Variants in SCAPER observed in about 807,000 individuals in gnomAD.
The protein encoded by SCAPER is S phase cyclin A-associated protein in the endoplasmic reticulum.
Under a neutral mutation model 182.2 loss-of-function variants are expected in SCAPER, and 98 were observed. The ratio of observed to expected loss-of-function variants is 0.54; its 90% confidence interval spans 0.46 to 0.64. SCAPER has a LOEUF of 0.64. Ranked by LOEUF, SCAPER falls within the 30% of genes least tolerant of loss-of-function variation. The probability of loss-of-function intolerance (pLI) is 0.00; values close to 1 mark genes in which losing one functional copy is unlikely to be tolerated. For synonymous variants in SCAPER, 605 were observed against 564.6 expected (o/e 1.07, Z -1.01); for missense variants, 1,432 against 1,690.0 (o/e 0.85, Z 2.68).
intron 26 of SCAPER, among the ~76,000 whole-genome samples, chr15:76,410,398 A>G (rs1172477891): frequency 6.6e-6 from 1 of 152,200 alleles, no homozygotes; most frequent in African/African-American, 2.4e-5. Flanking sequence ...ACTATGATTA[A>G]TTCTATAATA....
At chr15:76,370,310 T>TTTTTTTTTG (rs1567007744) in intron 29 of SCAPER, among the ~76,000 whole-genome samples, 2 of 137,358 alleles carry the variant, frequency 1.5e-5, no homozygotes, top group African/African-American at 2.7e-5. Flanking sequence ...TTTTTTTTTT[T>TTTTTTTTTG]TTTTTTGTTT....
chr15:76,701,019 T>C (rs374558264), intron 20 of SCAPER, among the ~76,000 whole-genome samples: 3 of 151,868 alleles, frequency 2.0e-5, no homozygotes, highest in African/African-American at 2.4e-5. Flanking sequence ...GGTGGTTTTA[T>C]ATCAGTTTAT....
chr15:76,527,374 T>A (rs16968336), intron 23 of SCAPER, among the ~76,000 whole-genome samples: 1 of 152,140 alleles, frequency 6.6e-6, no homozygotes, highest in African/African-American at 2.4e-5. Flanking sequence ...TCATAGTTGC[T>A]TTCCTTGGGC....
At chr15:76,489,388 C>T (rs8025134) in intron 24 of SCAPER, among the ~76,000 whole-genome samples, 60,002 of 150,918 alleles carry the variant, frequency 0.4, 14,104 homozygotes, top group Middle Eastern at 0.55. Context: ...GAAACCACCA[C>T]AATAAAGATA....
chr15:76,585,317 G>T (rs932624567), intron 22 of SCAPER, among the ~76,000 whole-genome samples: 3 of 151,750 alleles, frequency 2.0e-5, no homozygotes, highest in Non-Finnish European at 4.4e-5. Flanking sequence ...AATGGAAAAA[G>T]AGAATATTAA....
chr15:76,645,661 T>C (rs937666064), intron 21 of SCAPER, among the ~76,000 whole-genome samples: 1 of 152,194 alleles, frequency 6.6e-6, no homozygotes, highest in African/African-American at 2.4e-5. Context: ...TACCTTTCTT[T>C]TGTTACTGTG....
At chr15:76,859,246 CCTAA>C (rs576334341) in intron 3 of SCAPER, among the ~76,000 whole-genome samples, 103 of 152,310 alleles carry the variant, frequency 6.8e-4, no homozygotes, top group Non-Finnish European at 1.4e-3. Context: ...CACACAGGTA[CCTAA>C]CTATCAACTT....
chr15:76,419,181 C>G (rs1478531782), intron 26 of SCAPER, among the ~76,000 whole-genome samples: 1 of 152,030 alleles, frequency 6.6e-6, no homozygotes, highest in Non-Finnish European at 1.5e-5. Context: ...CCACTCAGAA[C>G]CAAAGCCAAC....
At chr15:76,862,929 C>CT (rs1037844580) in intron 2 of SCAPER, among the ~76,000 whole-genome samples, 3 of 152,194 alleles carry the variant, frequency 2.0e-5, no homozygotes, top group African/African-American at 4.8e-5. Context: ...TTGGAAAACG[C>CT]TTTTTTTAAT....
intron 8 of SCAPER, among the ~76,000 whole-genome samples, chr15:76,785,262 A>G (rs1223850557): frequency 5.9e-5 from 9 of 152,262 alleles, no homozygotes. Flanking sequence ...TATTCAGCCA[A>G]CAGGCACATG....
intron 15 of SCAPER, among the ~76,000 whole-genome samples, chr15:76,745,727 A>G (rs954353263): frequency 7.2e-5 from 11 of 152,204 alleles, no homozygotes; most frequent in African/African-American, 2.7e-4. Context: ...CTTTGGCTTA[A>G]TAAAATCATA....
intron 5 of SCAPER, among the ~76,000 whole-genome samples, chr15:76,820,636 G>T (rs1289164544): frequency 6.6e-6 from 1 of 151,542 alleles, no homozygotes; most frequent in African/African-American, 2.4e-5. Context: ...TACACCTAAT[G>T]CTAAATGACA....
At chr15:76,885,125 T>G (rs1042826911) in intron 1 of SCAPER, among the ~76,000 whole-genome samples, 2 of 152,220 alleles carry the variant, frequency 1.3e-5, no homozygotes, top group African/African-American at 2.4e-5. Flanking sequence ...GTGAATATAC[T>G]AAAAACCATT....
chr15:76,445,677 T>G (rs1462888823), intron 25 of SCAPER, among the ~76,000 whole-genome samples: 1 of 152,120 alleles, frequency 6.6e-6, no homozygotes, highest in Non-Finnish European at 1.5e-5. Context: ...TAGGGCTTGT[T>G]ACCACAGGAA....
intron 5 of SCAPER, among the ~76,000 whole-genome samples, chr15:76,807,467 T>C (rs959787397): frequency 2.6e-5 from 4 of 152,206 alleles, no homozygotes; most frequent in Non-Finnish European, 5.9e-5. Context: ...CTGTTGAGAA[T>C]TTTTATGTCT....
intron 15 of SCAPER, among the ~76,000 whole-genome samples, chr15:76,744,069 G>T (rs948958381): frequency 3.3e-5 from 5 of 152,154 alleles, no homozygotes; most frequent in African/African-American, 1.2e-4. Context: ...ATGGCACTAG[G>T]ATAACTGGTT....
chr15:76,749,181 T>C lies in SCAPER; in HGVS notation c.1866+4627A>G, dbSNP rs7169613. ...ATACTATGAATACATAAGGTTTATCTCAGAAATGCACGGTTGGTTTAATAT... is the reference window on the plus strand; with the variant it reads ...ATACTATGAATACATAAGGTTTATCCCAGAAATGCACGGTTGGTTTAATAT... On this transcript the variant is annotated intron_variant, in intron 15 of 31. Coordinates refer to ENST00000563290, the MANE Select transcript of SCAPER (RefSeq NM_020843.4). 8.1e-3 allele frequency among the ~76,000 whole-genome samples: 1,238 copies of C among 152,068 alleles called. 12 individuals carry two copies. Among genetic ancestry groups the C allele is most frequent in the African/African-American group, 0.028 (1,174 of 41,504 alleles).
intron 10 of SCAPER, among the ~76,000 whole-genome samples, chr15:76,769,950 A>T (rs2063356447): frequency 2.0e-5 from 3 of 152,340 alleles, no homozygotes; most frequent in Admixed American, 1.3e-4. Context: ...ACTTGGAACC[A>T]ACCCAAATGT....
At chr15:76,427,264 C>G (rs2046504155) in intron 26 of SCAPER, among the ~76,000 whole-genome samples, 1 of 152,122 alleles carries the variant, frequency 6.6e-6, no homozygotes, top group African/African-American at 2.4e-5. Flanking sequence ...AGTTAACTAA[C>G]AGAGTGAAGA....
Sources: allele counts gnomAD v4.1 joint callset (sites outside exome capture counted in the v4.1 genomes callset), GRCh38; gene constraint gnomAD v4.1.1; transcripts MANE v1.5; gene names NCBI Gene and HGNC (gene_info 2026-07-23, HGNC 2026-07-21).